PDE4D: variants seen among roughly 807,000 people sequenced by gnomAD.
The protein encoded by PDE4D is phosphodiesterase 4D.
PDE4D carries 24 observed loss-of-function variants against 87.4 expected under a neutral mutation model. The observed-to-expected ratio is 0.27, with a 90% CI of 0.20 to 0.39. The LOEUF is 0.39. Ranked by LOEUF, PDE4D falls within the 10% of genes least tolerant of loss-of-function variation. The pLI, the probability that PDE4D is intolerant of heterozygous loss-of-function variation, is 1.00. For missense variants in PDE4D, 714 were observed against 1,041.0 expected, an observed-to-expected ratio of 0.69 and a Z score of 4.32; for synonymous variants, 384 against 383.2, an observed-to-expected ratio of 1.00 and a Z score of -0.02.
At chr5:60,288,055 A>G (rs1428970425) in intron 1 of PDE4D, among the ~76,000 whole-genome samples, 1 of 152,234 alleles carries the variant, frequency 6.6e-6, no homozygotes, top group Non-Finnish European at 1.5e-5. Context: ...AAAGATTCCA[A>G]TGTAACAAGG....
chr5:60,316,689 T>C (rs970902261), intron 1 of PDE4D, among the ~76,000 whole-genome samples: 1 of 152,212 alleles, frequency 6.6e-6, no homozygotes, highest in African/African-American at 2.4e-5. Flanking sequence ...TGAGAGTTTT[T>C]AGCATGAAGG....
chr5:59,878,835 A>G (rs1748983598), intron 1 of PDE4D, among the ~76,000 whole-genome samples: 1 of 150,620 alleles, frequency 6.6e-6, no homozygotes, highest in Admixed American at 6.6e-5. Flanking sequence ...AAACACCTAA[A>G]TCACACCTTT....
At chr5:59,473,503 A>C (rs1802802639) in intron 1 of PDE4D, among the ~76,000 whole-genome samples, 1 of 152,088 alleles carries the variant, frequency 6.6e-6, no homozygotes, top group African/African-American at 2.4e-5. Flanking sequence ...TCCTATAAAA[A>C]ATGATCAGGA....
intron 1 of PDE4D, among the ~76,000 whole-genome samples, chr5:60,449,070 C>T (rs1431412363): frequency 9.0e-5 from 12 of 133,556 alleles, no homozygotes; most frequent in African/African-American, 2.1e-4. Context: ...CAACTGCCCG[C>T]GCACACACAC....
intron 5 of PDE4D, among the ~76,000 whole-genome samples, chr5:59,176,381 T>G (rs965409674): frequency 1.3e-5 from 2 of 152,064 alleles, no homozygotes; most frequent in Non-Finnish European, 1.5e-5. Flanking sequence ...AGTGAAACCC[T>G]GTCTCTACTA....
intron 3 of PDE4D, among the ~76,000 whole-genome samples, chr5:59,941,845 A>G (rs564361473): frequency 1.3e-5 from 2 of 152,346 alleles, no homozygotes; most frequent in African/African-American, 4.8e-5. Context: ...CTTAGCATGC[A>G]GTGCCTAAGG....
At chr5:59,634,890 G>A (rs1221564100) in intron 1 of PDE4D, among the ~76,000 whole-genome samples, 2 of 152,108 alleles carry the variant, frequency 1.3e-5, no homozygotes, top group Admixed American at 1.3e-4. Flanking sequence ...TAAGATCAGA[G>A]CAGAATTGAA....
rs539234903 is a variant in PDE4D at position 60,193,466 on chromosome 5, C to T, written c.-89-7779G>A. Among the ~76,000 whole-genome samples the T allele has an allele frequency of 4.0e-5, 6 of 151,750 alleles. No individual in the cohort carries two copies. The South Asian group carries it at 8.3e-4, about 21-fold the overall frequency. On this transcript the variant is annotated intron_variant, in intron 1 of 16. Transcript: ENST00000502484. ...CGGGTGGATCACGAGGTCAGGAGATCGAGACCATCCTGGCTAACAAGATGA... is the reference window on the plus strand; with the variant it reads ...CGGGTGGATCACGAGGTCAGGAGATTGAGACCATCCTGGCTAACAAGATGA...
At chr5:60,464,073 G>A (rs1227592851) in intron 1 of PDE4D, among the ~76,000 whole-genome samples, 1 of 151,782 alleles carries the variant, frequency 6.6e-6, no homozygotes, top group African/African-American at 2.4e-5. Context: ...ATGATCTGTG[G>A]GCTTTTTGTT....
intron 2 of PDE4D, among the ~76,000 whole-genome samples, chr5:60,036,492 C>T (rs1472130704): frequency 6.6e-6 from 1 of 152,216 alleles, no homozygotes; most frequent in Admixed American, 6.5e-5. Context: ...TGAATTTACA[C>T]AGGCCATTAA....
chr5:59,925,986 C>T (rs552728316), intron 3 of PDE4D, among the ~76,000 whole-genome samples: 16 of 152,156 alleles, frequency 1.1e-4, no homozygotes, highest in East Asian at 5.8e-4. Context: ...AAAGAAACAT[C>T]GGACTTGATC....
chr5:59,745,582 C>G (rs1012900563), intron 1 of PDE4D, among the ~76,000 whole-genome samples: 1 of 152,082 alleles, frequency 6.6e-6, no homozygotes, highest in Non-Finnish European at 1.5e-5. Flanking sequence ...AGCAAGCCCA[C>G]GTCTTGACAG....
At chr5:60,310,188 A>G (rs16877896) in intron 1 of PDE4D, among the ~76,000 whole-genome samples, 5,604 of 152,196 alleles carry the variant, frequency 0.037, 149 homozygotes, top group East Asian at 0.13. Context: ...AAAGTCCCCA[A>G]TCTTGGCCCT....
At chr5:59,198,894 C>A (rs1746095465) in intron 2 of PDE4D, among the ~76,000 whole-genome samples, 1 of 152,206 alleles carries the variant, frequency 6.6e-6, no homozygotes, top group Non-Finnish European at 1.5e-5. Flanking sequence ...GGTTCAAGTA[C>A]TTAAAAATGA....
At chr5:60,509,317 A>G (rs1365368715) in intron 1 of PDE4D, among the ~76,000 whole-genome samples, 1 of 152,146 alleles carries the variant, frequency 6.6e-6, no homozygotes, top group African/African-American at 2.4e-5. Context: ...CTGAAACACG[A>G]TGGCTGAGCA....
chr5:59,348,948 G>A (rs1342817834), intron 1 of PDE4D, among the ~76,000 whole-genome samples: 1 of 152,008 alleles, frequency 6.6e-6, no homozygotes, highest in African/African-American at 2.4e-5. Context: ...AGGAATGGTA[G>A]GGTGCACCTG....
At chr5:59,817,845 G>A (rs1769175753) in intron 1 of PDE4D, among the ~76,000 whole-genome samples, 1 of 151,808 alleles carries the variant, frequency 6.6e-6, no homozygotes, top group South Asian at 2.1e-4. Context: ...GAACCAAGCT[G>A]GCACACTGAT....
intron 1 of PDE4D, among the ~76,000 whole-genome samples, chr5:59,377,385 C>T (rs1784906965): frequency 1.3e-5 from 2 of 150,650 alleles, no homozygotes; most frequent in South Asian, 4.2e-4. Flanking sequence ...CCACTGCACT[C>T]CAGCCTGGGT....
chr5:59,776,703 CAGAT>C (rs1489684089), intron 1 of PDE4D, among the ~76,000 whole-genome samples: 2 of 152,056 alleles, frequency 1.3e-5, no homozygotes, highest in Admixed American at 6.5e-5. Context: ...TGAAACTACA[CAGAT>C]AGGTATATTC....
Sources: gnomAD v4.1 joint callset for allele counts (sites outside exome capture counted in the v4.1 genomes callset) on GRCh38, gnomAD v4.1.1 for gene constraint, MANE v1.5 for transcripts, NCBI Gene and HGNC (gene_info 2026-07-23, HGNC 2026-07-21) for gene names.